The following SRP72 variants were observed in gnomAD, a reference collection of about 807,000 sequenced individuals.
SRP72 encodes the protein signal recognition particle subunit SRP72.
Under a neutral mutation model 96.3 loss-of-function variants are expected in SRP72, and 49 were observed. That is an observed-to-expected ratio of 0.51 (90% CI 0.40 to 0.65). SRP72 has a LOEUF of 0.65. Ranked by LOEUF, SRP72 falls within the 30% of genes least tolerant of loss-of-function variation. The pLI is 0.00. For synonymous variants in SRP72, 267 were observed against 275.2 expected (o/e 0.97, Z 0.30); for missense variants, 736 against 793.3 (o/e 0.93, Z 0.87).
At chr4:56,490,285 CTAGA>C in intron 13 of SRP72, 44 bp from the exon 14 acceptor site, 1 of 1,456,446 alleles carries the variant, frequency 6.9e-7, no homozygotes, top group Non-Finnish European at 9.6e-7. Context: ...CATGCACTTG[CTAGA>C]TATTTAACTT....
chr4:56,475,494 T>C (rs1007850216), intron 5 of SRP72, among the ~76,000 whole-genome samples: 6 of 150,350 alleles, frequency 4.0e-5, no homozygotes, highest in African/African-American at 1.5e-4. Context: ...CCTAGGAGGT[T>C]GAGGCTCCAG....
At position 56,487,736 on chromosome 4, in the gene SRP72, A is replaced by G. The variant is rs73240551; in HGVS notation, c.1160-213A>G. On this transcript the variant is annotated intron_variant, in intron 11 of 18. Transcript: ENST00000642900. ...CTTTCTTTGTGAGCTTAAGCAAGGT[A>G]TATTATTTCTTTAGAACTCAATTTC... 0.055 allele frequency among the ~76,000 whole-genome samples: 8,393 copies of G among 152,274 alleles called. 338 individuals carry two copies. The highest frequency in any genetic ancestry group is 0.089 in the Non-Finnish European group (6,078 of 68,000).
intron 16 of SRP72, among the ~76,000 whole-genome samples, chr4:56,494,769 G>A (rs1721021260): frequency 6.6e-6 from 1 of 151,430 alleles, no homozygotes; most frequent in African/African-American, 2.4e-5. Flanking sequence ...TGCCTTTTTT[G>A]GTCAATGTAC....
intron 17 of SRP72, 142 bp from the exon 18 acceptor site, chr4:56,500,394 C>CTATTTCGCCTGT: frequency 2.2e-6 from 2 of 892,210 alleles, no homozygotes; most frequent in South Asian, 4.1e-5. Flanking sequence ...ATTTCGCCTG[C>CTATTTCGCCTGT]TAGATTATAC....
chr4:56,501,630 A>G, intron 18 of SRP72, 54 bp from the exon 19 acceptor site: 1 of 1,508,908 alleles, frequency 6.6e-7, no homozygotes, highest in Admixed American at 1.9e-5. Context: ...ATACATTTTT[A>G]TACTCTTCCT....
Position 56,467,757 on chromosome 4 carries a change from G to A in SRP72, c.109+13G>A, listed in dbSNP as rs1339805526. On this transcript the variant is annotated intron_variant, in intron 1 of 18. Coordinates refer to ENST00000642900, the MANE Select transcript of SRP72 (RefSeq NM_006947.4). The stretch of plus-strand genomic sequence containing the variant: ...ACCGTCAATAAGAGTAAGTGTCGGG[G>A]TGGGCACTGGGGCGGGCCCAGGCCG... 1.3e-6 allele frequency: 2 copies of A among 1,491,538 alleles called. No individual in the cohort carries two copies. Among genetic ancestry groups the A allele is most frequent in the Non-Finnish European group, 1.8e-6 (2 of 1,121,276 alleles). The allele number at this position is 1,491,538 out of a possible 1,614,324, so 92.4% of individuals were successfully genotyped here.
At chr4:56,474,535 T>C in intron 5 of SRP72, 144 bp downstream of exon 5, 1 of 750,546 alleles carries the variant, frequency 1.3e-6, no homozygotes, top group East Asian at 2.7e-5. Context: ...CTGTCGTCTT[T>C]CTCTCTCTTT....
intron 15 of SRP72, among the ~76,000 whole-genome samples, chr4:56,490,928 A>G (rs539454443): frequency 2.0e-5 from 3 of 152,318 alleles, no homozygotes; most frequent in South Asian, 4.1e-4. Flanking sequence ...AAGAAAAAGC[A>G]TATTTTATGT....
chr4:56,469,866 T>G, intron 2 of SRP72, 93 bp downstream of exon 2: 2 of 1,219,456 alleles, frequency 1.6e-6, no homozygotes, highest in Non-Finnish European at 2.2e-6. Context: ...TTTGCTGATT[T>G]TTTTTAACGT....
intron 8 of SRP72, 80 bp downstream of exon 8, chr4:56,478,729 G>A: frequency 1.4e-6 from 2 of 1,402,978 alleles, no homozygotes; most frequent in South Asian, 2.7e-5. Context: ...TTCTAGGATA[G>A]CCTAAGTGTT....
At chr4:56,496,097 G>A (rs552879455) in intron 17 of SRP72, among the ~76,000 whole-genome samples, 94 of 152,290 alleles carry the variant, frequency 6.2e-4, no homozygotes, top group African/African-American at 2.1e-3. Context: ...GGCTTGGAGT[G>A]TGGCTTTAAT....
At chr4:56,478,156 T>A (rs990189354) in intron 6 of SRP72, among the ~76,000 whole-genome samples, 13 of 141,350 alleles carry the variant, frequency 9.2e-5, no homozygotes, top group Admixed American at 3.4e-4. Context: ...TGCCTTTTCT[T>A]TTTTTTTTTT....
chr4:56,499,981 T>A (rs1233671541), intron 17 of SRP72, among the ~76,000 whole-genome samples: 2 of 152,176 alleles, frequency 1.3e-5, no homozygotes, highest in East Asian at 3.8e-4. Flanking sequence ...CCATCAATGA[T>A]AGAGTGGATA....
chr4:56,467,681 A>C lies in SRP72; in HGVS notation c.46A>C (p.Ser16Arg), dbSNP rs1289823827. Residue 16 changes from serine (S) to arginine (R), a missense_variant, in exon 1 of 19, where the codon AGT becomes CGT. This residue lies in a region of SRP72 where 329 missense variants were observed against 319.0 expected (regional missense o/e 1.03). Transcript: ENST00000642900. ...GGGGGTGTCAGTACCTGCGCTGTGGAGTGAAGTGAACCGGTATGGCCAGAA... is the reference window on the plus strand; with the variant it reads ...GGGGGTGTCAGTACCTGCGCTGTGGCGTGAAGTGAACCGGTATGGCCAGAA... The part of the protein sequence containing the change: ...SGGVSVPALW[S>R]EVNRYGQNGD... 2.6e-6 allele frequency: 4 copies of C among 1,555,486 alleles called. No homozygotes were observed. The highest frequency in any genetic ancestry group is 3.5e-6 in the Non-Finnish European group (4 of 1,151,638).
chr4:56,494,474 G>A (rs1348641327), intron 16 of SRP72, among the ~76,000 whole-genome samples: 1 of 147,880 alleles, frequency 6.8e-6, no homozygotes, highest in South Asian at 2.1e-4. Flanking sequence ...GCGCAATCTC[G>A]CTCACTGCAG....
chr4:56,500,866 CTAGTTTT>C (rs1245725705), intron 18 of SRP72, among the ~76,000 whole-genome samples, 171 bp downstream of exon 18: 5 of 152,044 alleles, frequency 3.3e-5, no homozygotes, highest in Non-Finnish European at 5.9e-5. Context: ...CCTTTTTAGA[CTAGTTTT>C]TCCTTTAGTT....
chr4:56,489,614 A>G, intron 13 of SRP72, 131 bp downstream of exon 13: 1 of 473,424 alleles, frequency 2.1e-6, no homozygotes, highest in East Asian at 3.2e-5. Context: ...TAGATTATCA[A>G]ATGCATTTTT....
intron 13 of SRP72, 69 bp downstream of exon 13, chr4:56,489,552 A>C: frequency 3.3e-6 from 3 of 897,398 alleles, no homozygotes; most frequent in Non-Finnish European, 3.4e-6. Context: ...GTAGTGAAAA[A>C]ATTCAGGCAA....
rs543384543 is a variant in SRP72 at position 56,471,803 on chromosome 4, A to G, written c.314A>G (p.Asn105Ser). Residue 105 changes from asparagine (N) to serine (S), a missense_variant, in exon 3 of 19, where the codon AAC (asparagine) becomes AGC (serine). Asn to Ser is a conservative substitution (Grantham distance 46, BLOSUM62 1). This residue lies in a region of SRP72 where 329 missense variants were observed against 319.0 expected (regional missense o/e 1.03). Coordinates refer to ENST00000642900, the MANE Select transcript of SRP72 (RefSeq NM_006947.4). ...ENALKTIESA[N>S]QQTDKLKELY... ...GCCTTGAAGACAATAGAAAGTGCCA[A>G]CCAGCAGACAGACAAACTGAAGGAG... The G allele has an allele frequency of 6.8e-6, 11 of 1,614,114 alleles. No homozygotes were observed. In the East Asian group the frequency reaches 1.6e-4, roughly 23 times the overall value.
Sources: allele counts gnomAD v4.1 joint callset (sites outside exome capture counted in the v4.1 genomes callset), GRCh38; gene constraint gnomAD v4.1.1; regional missense constraint gnomAD v4.1.1; transcripts MANE v1.5; gene names NCBI Gene and HGNC (gene_info 2026-07-23, HGNC 2026-07-21).